Variants in CCDC3 observed in about 807,000 individuals in gnomAD.
The protein encoded by CCDC3 is coiled-coil domain-containing protein 3.
Under a neutral mutation model 21.4 loss-of-function variants are expected in CCDC3, and 24 were observed. That is an observed-to-expected ratio of 1.12 (90% CI 0.81 to 1.58). CCDC3 has a LOEUF of 1.58. Among genes scored for constraint, CCDC3 ranks in the 40% most tolerant of loss-of-function variants. The probability of loss-of-function intolerance (pLI) is 0.00; values close to 1 mark genes in which losing one functional copy is unlikely to be tolerated. For missense variants in CCDC3, 425 were observed against 360.9 expected, an observed-to-expected ratio of 1.18 and a Z score of -1.44; for synonymous variants, 186 against 166.0, an observed-to-expected ratio of 1.12 and a Z score of -0.93.
intron 2 of CCDC3, among the ~76,000 whole-genome samples, chr10:12,944,592 T>A (rs1814269567): frequency 7.4e-6 from 1 of 135,608 alleles, no homozygotes; most frequent in Non-Finnish European, 1.6e-5. Flanking sequence ...TTTGGGCACA[T>A]GTTCTCAAGA....
rs1184272945 is a variant in CCDC3, at chr10:12,896,715, C to A, written c.*1701G>T. 2 of 151,104 alleles carry A rather than the reference C, an allele frequency of 1.3e-5. No homozygotes were observed. Among genetic ancestry groups the A allele is most frequent in the Admixed American group, 6.6e-5 (1 of 15,208 alleles). 9.4% of individuals were successfully genotyped at this position (151,104 alleles called of 1,614,324 possible). A position where few individuals can be genotyped will look rare whatever the true frequency, so the allele number is the denominator to read the frequency against. On this transcript the variant is annotated 3_prime_UTR_variant, in exon 3 of 3. Coordinates refer to ENST00000378825, the MANE Select transcript of CCDC3 (RefSeq NM_031455.4). ...GCTTCCATGGTTCTCCAAGCACGGG[C>A]TGTACATTACCCTTAGGCTGACCAT...
chr10:12,972,646 G>A (rs1445237338), intron 2 of CCDC3, among the ~76,000 whole-genome samples: 5 of 152,042 alleles, frequency 3.3e-5, no homozygotes, highest in African/African-American at 7.2e-5. Flanking sequence ...GTGAAACCCC[G>A]TCTCTACTAA....
chr10:12,929,607 C>G (rs1393196324), intron 2 of CCDC3, among the ~76,000 whole-genome samples: 2 of 152,198 alleles, frequency 1.3e-5, no homozygotes, highest in Non-Finnish European at 2.9e-5. Flanking sequence ...ATCTTTCTCA[C>G]TCTCTACCAC....
chr10:12,899,710 C>T (rs1199518601), intron 2 of CCDC3, among the ~76,000 whole-genome samples: 1 of 152,096 alleles, frequency 6.6e-6, no homozygotes, highest in Admixed American at 6.5e-5. Context: ...TAGTGTGATA[C>T]CAAGAGTGCG....
At chr10:13,092,582 C>A (rs1203976879) in intron 3 of CCDC3, among the ~76,000 whole-genome samples, 1 of 152,220 alleles carries the variant, frequency 6.6e-6, no homozygotes, top group African/African-American at 2.4e-5. Flanking sequence ...GTAAAGCTAA[C>A]TCACATTGGA....
At chr10:12,935,039 C>T (rs534473745) in intron 2 of CCDC3, among the ~76,000 whole-genome samples, 9 of 152,018 alleles carry the variant, frequency 5.9e-5, no homozygotes, top group East Asian at 5.8e-4. Context: ...GCTGGGACTA[C>T]GGATGTGCAC....
intron 3 of CCDC3, among the ~76,000 whole-genome samples, chr10:13,090,038 T>TAGATAGATAGATAG (rs1564345301): frequency 0.016 from 23 of 1,450 alleles, no homozygotes; most frequent in African/African-American, 0.018. Flanking sequence ...CCGTTAGATA[T>TAGATAGATAGATAG]ATATATATAT....
intron 4 of CCDC3, among the ~76,000 whole-genome samples, chr10:13,067,942 T>C (rs1386105896): frequency 6.6e-6 from 1 of 152,200 alleles, no homozygotes; most frequent in East Asian, 1.9e-4. Flanking sequence ...GTTTGTTTTC[T>C]TGGATCTCTT....
chr10:13,014,587 C>T (rs604772), intron 5 of CCDC3, among the ~76,000 whole-genome samples: 123,697 of 151,952 alleles, frequency 0.81, 51,231 homozygotes, highest in Non-Finnish European at 0.88. Flanking sequence ...AAGATGTGAA[C>T]GGGAACTGAA....
chr10:13,052,532 G>C (rs746686294), intron 4 of CCDC3, among the ~76,000 whole-genome samples: 1 of 152,142 alleles, frequency 6.6e-6, no homozygotes, highest in Non-Finnish European at 1.5e-5. Context: ...AGATTAGAAA[G>C]CAAACACAAG....
chr10:13,054,068 C>T (rs1477981212), intron 4 of CCDC3, among the ~76,000 whole-genome samples: 4 of 151,042 alleles, frequency 2.6e-5, no homozygotes, highest in Admixed American at 1.3e-4. Context: ...TTGCTTAAAC[C>T]CAGGAGGGGC....
At chr10:12,906,884 AGGTCCTCTTGAGTGTCTGT>A (rs1834181554) in intron 2 of CCDC3, among the ~76,000 whole-genome samples, 1 of 152,144 alleles carries the variant, frequency 6.6e-6, no homozygotes, top group African/African-American at 2.4e-5. Flanking sequence ...TCAGCATCCT[AGGTCCTCTTGAGTGTCTGT>A]GATTTTTTGC....
chr10:12,932,993 T>TA (rs1293779370), intron 2 of CCDC3, among the ~76,000 whole-genome samples: 16 of 152,366 alleles, frequency 1.1e-4, no homozygotes, highest in Admixed American at 2.6e-4. Context: ...CAGCTTTGCA[T>TA]ACCCAGTTTA....
At chr10:13,057,292 A>T (rs943600530) in intron 4 of CCDC3, among the ~76,000 whole-genome samples, 16 of 151,724 alleles carry the variant, frequency 1.1e-4, no homozygotes, top group Admixed American at 2.0e-4. Flanking sequence ...ACCTTGTCTT[A>T]AAAAAAACAA....
Position 12,998,472 on chromosome 10 carries a change from A to G in CCDC3, c.415T>C (p.Phe139Leu), listed in dbSNP as rs755575476. The change falls in exon 2 of 3, where the codon TTC becomes CTC. Residue 139 changes from phenylalanine (F) to leucine (L), a missense_variant. Coordinates refer to ENST00000378825, the MANE Select transcript of CCDC3 (RefSeq NM_031455.4). Reference protein sequence around the residue: ...NYNLLPHGVNFQDAIFPDTQE... With the variant: ...NYNLLPHGVNLQDAIFPDTQE... ...GTGTCTGGGAAGATGGCATCTTGGA[A>G]ATTGACTCCGTGAGGCAAGAGGTTA... 6.2e-7 allele frequency: 1 copy of G among 1,614,146 alleles called. No homozygotes were observed. The highest frequency in any genetic ancestry group is 8.5e-7 in the Non-Finnish European group (1 of 1,180,016).
intron 5 of CCDC3, among the ~76,000 whole-genome samples, chr10:13,008,358 G>T (rs1008549585): frequency 6.6e-6 from 1 of 152,200 alleles, no homozygotes; most frequent in African/African-American, 2.4e-5. Flanking sequence ...CCAAGCCAGG[G>T]AGTCAGAGGC....
intron 2 of CCDC3, among the ~76,000 whole-genome samples, chr10:12,918,570 T>C (rs1003414161): frequency 1.3e-5 from 2 of 152,210 alleles, no homozygotes; most frequent in Non-Finnish European, 2.9e-5. Context: ...TTCTTCTCAT[T>C]ACCTATCTAG....
In CCDC3 at chr10:12,896,889, T is replaced by C. The variant is rs1834009564; in HGVS notation, c.*1527A>G. Reference sequence around the variant, plus strand: ...CCGTGTGAGTGCCCCAGGGTAAAAGTCTCTCTTCTGTCCAGTCCAGAGCAG... The same window carrying C: ...CCGTGTGAGTGCCCCAGGGTAAAAGCCTCTCTTCTGTCCAGTCCAGAGCAG... On this transcript the variant is annotated 3_prime_UTR_variant, in exon 3 of 3. Transcript: ENST00000378825. 6.6e-6 allele frequency: 1 copy of C among 151,886 alleles called. No individual in the cohort carries two copies. Among genetic ancestry groups the C allele is most frequent in the African/African-American group, 2.4e-5 (1 of 41,050 alleles). 9.4% of individuals were successfully genotyped at this position (151,886 alleles called of 1,614,324 possible).
At chr10:12,960,168 A>AACACACACACACACAC (rs10626900) in intron 2 of CCDC3, among the ~76,000 whole-genome samples, 1,648 of 148,830 alleles carry the variant, frequency 0.011, 13 homozygotes, top group Middle Eastern at 0.049. Flanking sequence ...ACACACACAC[A>AACACACACACACACAC]ACACACACAC....
Sources: gnomAD v4.1 joint callset for allele counts (sites outside exome capture counted in the v4.1 genomes callset) on GRCh38, gnomAD v4.1.1 for gene constraint, MANE v1.5 for transcripts, NCBI Gene and HGNC (gene_info 2026-07-23, HGNC 2026-07-21) for gene names.